The following FAT3 variants were observed in gnomAD, a reference collection of about 807,000 sequenced individuals.
FAT3 encodes FAT atypical cadherin 3.
In FAT3, 95 loss-of-function variants were observed where a neutral mutation model predicts 310.2. That is an observed-to-expected ratio of 0.31 (90% confidence interval 0.26 to 0.36). FAT3 has a LOEUF of 0.36. Ranked by LOEUF, FAT3 falls within the 10% of genes least tolerant of loss-of-function variation. FAT3 has a pLI of 1.00. For missense variants in FAT3, 5,408 were observed against 5,715.6 expected (o/e 0.95, Z 1.74); for synonymous variants, 2,314 against 2,192.9 (o/e 1.06, Z -1.54).
At chr11:92,668,475 C>A (rs892776876) in intron 3 of FAT3, among the ~76,000 whole-genome samples, 4 of 152,132 alleles carry the variant, frequency 2.6e-5, no homozygotes, top group African/African-American at 7.2e-5. Context: ...TGTGTCACAT[C>A]TTAGTAGAAA....
chr11:92,347,632 A>G (rs1476617376), intron 1 of FAT3, among the ~76,000 whole-genome samples: 1 of 152,134 alleles, frequency 6.6e-6, no homozygotes, highest in Non-Finnish European at 1.5e-5. Flanking sequence ...TTATTCATCC[A>G]TGGAAAGAAA....
intron 4 of FAT3, among the ~76,000 whole-genome samples, chr11:92,753,862 A>G (rs890985927): frequency 6.6e-6 from 1 of 150,704 alleles, no homozygotes; most frequent in African/African-American, 2.5e-5. Flanking sequence ...AACCTGGATG[A>G]GATTGAAGAC....
intron 3 of FAT3, among the ~76,000 whole-genome samples, chr11:92,608,389 T>TGGAA (rs1940404579): frequency 6.6e-6 from 1 of 152,206 alleles, no homozygotes; most frequent in Admixed American, 6.5e-5. Flanking sequence ...ATGCTGTTAG[T>TGGAA]TGTTACTTTT....
chr11:92,888,956 G>A (rs1949854359), intron 25 of FAT3, among the ~76,000 whole-genome samples: 1 of 152,130 alleles, frequency 6.6e-6, no homozygotes. Context: ...CTTTCAGGAG[G>A]ACTGGCATTG....
Position 92,353,671 on chromosome 11 carries a change from T to C in FAT3, c.1559T>C (p.Val520Ala), listed in dbSNP as rs934380169. Residue 520 changes from valine to alanine, a missense_variant, in exon 2 of 28, where the codon GTC becomes GCC. Around this residue, in one of 5 missense-constraint regions of FAT3, gnomAD observed 4,588 missense variants for 4,809.8 expected, o/e 0.95. Coordinates refer to ENST00000525166, the MANE Select transcript of FAT3 (RefSeq NM_001367949.2). ...SIASLNLLPF[V>A]INQFTGVIST... The stretch of plus-strand genomic sequence containing the variant: ...GCTAGCCTGAATTTGTTACCATTTG[T>C]CATTAATCAGTTTACAGGTGTTATT... The C allele has an allele frequency of 6.2e-7, 1 of 1,613,836 alleles. No individual in the cohort carries two copies. The highest frequency in any genetic ancestry group is 1.3e-5 in the African/African-American group (1 of 74,934).
At chr11:92,638,571 T>C (rs1941852120) in intron 3 of FAT3, among the ~76,000 whole-genome samples, 1 of 152,212 alleles carries the variant, frequency 6.6e-6, no homozygotes. Context: ...GAATACGAGT[T>C]CTGAAATGTG....
chr11:92,367,146 G>T, intron 2 of FAT3: 2 of 395,166 alleles, frequency 5.1e-6, no homozygotes, highest in South Asian at 2.1e-5. Context: ...TTGCCTTCTC[G>T]TGGCCTGCTG....
rs1050815558 is a variant in FAT3 at position 92,293,867 on chromosome 11, A to C, written c.-17-58229A>C. ...GAGTAGAGAAAGGAAGTTTTATGTT[A>C]CCCAGATTTGAGAAGAGGAAAGGCA... On this transcript the variant is annotated intron_variant, in intron 1 of 27. Coordinates refer to ENST00000525166, the MANE Select transcript of FAT3 (RefSeq NM_001367949.2). Among the ~76,000 whole-genome samples, 7 of 152,136 alleles carry C rather than the reference A, an allele frequency of 4.6e-5. 1 individual carries two copies. Among genetic ancestry groups the C allele is most frequent in the African/African-American group, 1.7e-4 (7 of 41,552 alleles).
chr11:92,814,486 G>A (rs892860392), intron 13 of FAT3, among the ~76,000 whole-genome samples: 12 of 152,104 alleles, frequency 7.9e-5, no homozygotes, highest in South Asian at 4.1e-4. Flanking sequence ...AAGAAATACC[G>A]TGGCAACTCT....
chr11:92,433,647 C>T (rs575993053), intron 2 of FAT3, among the ~76,000 whole-genome samples: 10 of 152,208 alleles, frequency 6.6e-5, no homozygotes, highest in African/African-American at 1.4e-4. Flanking sequence ...TTGGTCTCAC[C>T]GGGAGCTGCA....
chr11:92,845,393 G>T (rs977334156), intron 19 of FAT3, among the ~76,000 whole-genome samples: 1 of 152,316 alleles, frequency 6.6e-6, no homozygotes, highest in East Asian at 1.9e-4. Context: ...AGGGAAACAA[G>T]TTAGGAAGCT....
At chr11:92,284,068 C>G (rs1304092337) in intron 1 of FAT3, among the ~76,000 whole-genome samples, 2 of 151,906 alleles carry the variant, frequency 1.3e-5, no homozygotes, top group Non-Finnish European at 2.9e-5. Context: ...TCCTCAGAAC[C>G]AAGCACAGCA....
chr11:92,490,177 A>T (rs1034167333), intron 2 of FAT3, among the ~76,000 whole-genome samples: 3 of 152,126 alleles, frequency 2.0e-5, no homozygotes, highest in African/African-American at 4.8e-5. Flanking sequence ...TATGTCTGCA[A>T]ATCCTTAATG....
chr11:92,723,464 C>T (rs1156548296), intron 4 of FAT3, among the ~76,000 whole-genome samples: 1 of 152,186 alleles, frequency 6.6e-6, no homozygotes, highest in Non-Finnish European at 1.5e-5. Context: ...CCATATTTTC[C>T]TGTCTTCTTC....
At chr11:92,879,631 G>A (rs556833226) in intron 22 of FAT3, among the ~76,000 whole-genome samples, 37 of 152,268 alleles carry the variant, frequency 2.4e-4, no homozygotes, top group South Asian at 2.3e-3. Flanking sequence ...TGCAAACACT[G>A]CATTGACTTA....
rs373028895 is a variant in FAT3, at chr11:92,766,258, A to G, written c.4195+1169A>G. Among the ~76,000 whole-genome samples, 9 of 152,310 alleles carry G rather than the reference A, an allele frequency of 5.9e-5. No individual in the cohort carries two copies. In the East Asian group the frequency reaches 1.5e-3, roughly 26 times the overall value. The stretch of plus-strand genomic sequence containing the variant: ...CCAGGAAACAAAACAGGCTGTTGCT[A>G]AAACAGAGGGGAGAGTGTGTGTCGC... On this transcript the variant is annotated intron_variant, in intron 6 of 27. Coordinates refer to ENST00000525166, the MANE Select transcript of FAT3 (RefSeq NM_001367949.2).
chr11:92,799,023 G>T lies in FAT3; in HGVS notation c.6010G>T (p.Val2004Phe). 1 of 1,613,860 alleles carries T rather than the reference G, an allele frequency of 6.2e-7. No homozygotes were observed. The highest frequency in any genetic ancestry group is 2.2e-5 in the East Asian group (1 of 44,866). ...NNTNITKVAI[V>F]NAVGNRLNEP... Reference sequence around the variant, plus strand: ...CACTAACATAACCAAAGTTGCTATTGTCAATGCAGTTGGAAATCGCCTTAA... The same window carrying T: ...CACTAACATAACCAAAGTTGCTATTTTCAATGCAGTTGGAAATCGCCTTAA... Residue 2004 changes from valine (V) to phenylalanine (F), a missense_variant, in exon 10 of 28, where the codon GTC becomes TTC. By Grantham distance (50) the Val-to-Phe change is conservative. Coordinates refer to ENST00000525166, the MANE Select transcript of FAT3 (RefSeq NM_001367949.2).
chr11:92,417,058 T>C (rs954093996), intron 2 of FAT3, among the ~76,000 whole-genome samples: 21 of 152,210 alleles, frequency 1.4e-4, no homozygotes, highest in Non-Finnish European at 1.5e-5. Context: ...TTGAGGCAAC[T>C]GTTTGATTCT....
At chr11:92,387,144 C>A (rs1018347299) in intron 2 of FAT3, among the ~76,000 whole-genome samples, 2 of 150,870 alleles carry the variant, frequency 1.3e-5, no homozygotes, top group African/African-American at 4.9e-5. Flanking sequence ...GCGTCCTTTC[C>A]ACAAGGAGGT....
Sources: allele counts gnomAD v4.1 joint callset (sites outside exome capture counted in the v4.1 genomes callset), GRCh38; gene constraint gnomAD v4.1.1; regional missense constraint gnomAD v4.1.1; transcripts MANE v1.5; gene names NCBI Gene and HGNC (gene_info 2026-07-23, HGNC 2026-07-21).